CEP128: variants seen among roughly 807,000 people sequenced by gnomAD.
CEP128 encodes the protein centrosomal protein 128kDa.
In CEP128, 132 loss-of-function variants were observed where a neutral mutation model predicts 156.7. The ratio of observed to expected loss-of-function variants is 0.84; its 90% CI spans 0.73 to 0.97. The LOEUF is 0.97. CEP128 is among the 50% of genes least tolerant of loss of function. The probability of loss-of-function intolerance (pLI) is 0.00; values close to 1 mark genes in which losing one functional copy is unlikely to be tolerated. For synonymous variants in CEP128, 469 were observed against 448.9 expected (o/e 1.04, Z -0.57); for missense variants, 1,252 against 1,281.9 (o/e 0.98, Z 0.36).
downstream of CEP128, among the ~76,000 whole-genome samples, chr14:80,491,670 A>C (rs1301525716): frequency 1.3e-5 from 2 of 152,206 alleles, no homozygotes. Flanking sequence ...CCGGCTGAAA[A>C]ACATCAGAAA....
rs530563657 is a variant in CEP128 at position 80,551,597 on chromosome 14, G to A, written c.2880+7682C>T. 6.6e-5 allele frequency among the ~76,000 whole-genome samples: 10 copies of A among 152,182 alleles called. No individual in the cohort carries two copies. The South Asian group carries it at 1.9e-3, about 28-fold the overall frequency. On this transcript the variant is annotated intron_variant, in intron 21 of 24. Coordinates refer to ENST00000555265, the MANE Select transcript of CEP128 (RefSeq NM_152446.5). ...ATCATAATTCTAAAACAGATACATA[G>A]GTAAGGCATGGAGCTCTGCTAGAGT... is the stretch of plus-strand genomic sequence containing the variant.
At chr14:80,573,405 T>C (rs1891229978) in intron 20 of CEP128, among the ~76,000 whole-genome samples, 1 of 152,200 alleles carries the variant, frequency 6.6e-6, no homozygotes, top group Non-Finnish European at 1.5e-5. Context: ...TCTTGCGCTT[T>C]TCATCCCATT....
intron 19 of CEP128, among the ~76,000 whole-genome samples, chr14:80,701,615 G>A (rs564821830): frequency 6.6e-6 from 1 of 152,272 alleles, no homozygotes; most frequent in East Asian, 1.9e-4. Context: ...CTTGGCCCAA[G>A]ACAGACTAAA....
chr14:80,782,853 C>T (rs1434950218), intron 15 of CEP128, among the ~76,000 whole-genome samples: 1 of 152,106 alleles, frequency 6.6e-6, no homozygotes, highest in African/African-American at 2.4e-5. Flanking sequence ...CCTGGGTTTC[C>T]AAGACATCAT....
At chr14:80,684,087 T>A (rs1896429642) in intron 19 of CEP128, among the ~76,000 whole-genome samples, 1 of 151,892 alleles carries the variant, frequency 6.6e-6, no homozygotes, top group African/African-American at 2.4e-5. Flanking sequence ...AAGAAATAAC[T>A]GAAATCAGAA....
intron 13 of CEP128, among the ~76,000 whole-genome samples, chr14:80,827,824 G>T (rs957786213): frequency 6.6e-6 from 1 of 152,142 alleles, no homozygotes; most frequent in African/African-American, 2.4e-5. Context: ...CTCCCACAGG[G>T]TAAATCAGTG....
intron 4 of CEP128, among the ~76,000 whole-genome samples, chr14:80,912,497 C>T (rs931095416): frequency 6.6e-6 from 1 of 152,044 alleles, no homozygotes; most frequent in Non-Finnish European, 1.5e-5. Context: ...TTCAATTTTT[C>T]ACTAATAAAT....
chr14:80,616,351 A>C (rs1893210537), intron 19 of CEP128, among the ~76,000 whole-genome samples: 1 of 152,152 alleles, frequency 6.6e-6, no homozygotes, highest in Admixed American at 6.5e-5. Context: ...GCATTTTCTC[A>C]TTTAATCTTC....
chr14:80,695,710 T>A (rs1453395697), intron 19 of CEP128, among the ~76,000 whole-genome samples: 3 of 141,154 alleles, frequency 2.1e-5, no homozygotes, highest in East Asian at 4.0e-4. Context: ...AGAGACTCCA[T>A]CTCAAAAAAA....
At chr14:80,794,596 A>G (rs1901889100) in intron 13 of CEP128, among the ~76,000 whole-genome samples, 1 of 152,192 alleles carries the variant, frequency 6.6e-6, no homozygotes, top group Non-Finnish European at 1.5e-5. Context: ...CCTGATCAAA[A>G]GAGAAATGGA....
chr14:80,736,290 G>C (rs1361939748), intron 19 of CEP128, among the ~76,000 whole-genome samples: 1 of 150,562 alleles, frequency 6.6e-6, no homozygotes, highest in Admixed American at 6.6e-5. Flanking sequence ...TATATGCTTT[G>C]AATTTAATGA....
chr14:80,917,081 T>C (rs996142012), intron 2 of CEP128, among the ~76,000 whole-genome samples: 6 of 152,006 alleles, frequency 3.9e-5, no homozygotes, highest in African/African-American at 1.2e-4. Context: ...TCAAATAGAG[T>C]AGAATTAAAC....
At chr14:80,512,737 T>C (rs557389210) in intron 23 of CEP128, among the ~76,000 whole-genome samples, 22 of 152,212 alleles carry the variant, frequency 1.4e-4, no homozygotes, top group African/African-American at 4.8e-4. Context: ...TGTGTATCCA[T>C]TGTAGGTTTT....
intron 19 of CEP128, among the ~76,000 whole-genome samples, chr14:80,592,484 C>CA (rs1451232500): frequency 6.6e-6 from 1 of 152,158 alleles, no homozygotes; most frequent in Non-Finnish European, 1.5e-5. Context: ...AGGCCAATAA[C>CA]AAGTTCTCAA....
At chr14:80,830,841 T>TA (rs1885752614) in intron 13 of CEP128, 1 of 267,620 alleles carries the variant, frequency 3.7e-6, no homozygotes, top group Admixed American at 5.1e-5. Context: ...CTTCTGTCTG[T>TA]AGAAAGGGTT....
At chr14:80,703,879 A>G (rs948063293) in intron 19 of CEP128, among the ~76,000 whole-genome samples, 1 of 152,092 alleles carries the variant, frequency 6.6e-6, no homozygotes, top group Non-Finnish European at 1.5e-5. Context: ...TCAAAACAAC[A>G]GTTTCATCAC....
chr14:80,938,238 T>C (rs1885933721), intron 2 of CEP128, among the ~76,000 whole-genome samples: 1 of 138,392 alleles, frequency 7.2e-6, no homozygotes, highest in Non-Finnish European at 1.5e-5. Context: ...TAATACACAG[T>C]GTTAGTATTT....
intron 13 of CEP128, 150 bp downstream of exon 13, chr14:80,830,993 T>A (rs1453587898): frequency 1.9e-5 from 13 of 671,146 alleles, no homozygotes; most frequent in African/African-American, 1.5e-4. Context: ...TTTCTACATA[T>A]AAGTAAATCA....
At chr14:80,897,892 C>T (rs1467273361) in intron 7 of CEP128, among the ~76,000 whole-genome samples, 4 of 152,204 alleles carry the variant, frequency 2.6e-5, no homozygotes, top group Admixed American at 2.6e-4. Context: ...ATCCTCCCAC[C>T]TTAGCCTCCC....
Sources: allele counts gnomAD v4.1 joint callset (sites outside exome capture counted in the v4.1 genomes callset), GRCh38; gene constraint gnomAD v4.1.1; transcripts MANE v1.5; gene names NCBI Gene and HGNC (gene_info 2026-07-23, HGNC 2026-07-21).